The following BCCIP variants were observed in gnomAD, a reference collection of about 807,000 sequenced individuals.
BCCIP encodes the protein BRCA2 and CDKN1A-interacting protein.
In BCCIP, 23 loss-of-function variants were observed where a neutral mutation model predicts 32.8. The ratio of observed to expected loss-of-function variants is 0.70; its 90% CI spans 0.51 to 0.99. BCCIP has a LOEUF of 0.99. BCCIP is among the 50% of genes least tolerant of loss of function. BCCIP has a pLI of 0.00. For synonymous variants in BCCIP, 144 were observed against 137.6 expected, an observed-to-expected ratio of 1.05 and a Z score of -0.33; for missense variants, 378 against 379.8, an observed-to-expected ratio of 1.00 and a Z score of 0.04.
At chr10:125,850,925 A>G (rs1944082469) in intron 7 of BCCIP, among the ~76,000 whole-genome samples, 1 of 152,204 alleles carries the variant, frequency 6.6e-6, no homozygotes, top group South Asian at 2.1e-4. Flanking sequence ...GTCTCAGGCC[A>G]TCTGTTTCCA....
chr10:125,838,178 A>G, downstream of BCCIP: 1 of 1,537,062 alleles, frequency 6.5e-7, no homozygotes, highest in Non-Finnish European at 8.7e-7. Context: ...AAAAAAAAAT[A>G]CAACCCTTTC....
At chr10:125,842,297 C>T (rs916764553) in exon 7 of BCCIP, 3 of 200,854 alleles carry the variant, frequency 1.5e-5, no homozygotes, top group Admixed American at 6.2e-5. Context: ...ACACACAGAT[C>T]TAAGTCGGGG....
downstream of BCCIP, among the ~76,000 whole-genome samples, chr10:125,840,217 A>C (rs952611856): frequency 2.0e-5 from 3 of 152,126 alleles, no homozygotes; most frequent in Non-Finnish European, 4.4e-5. Context: ...CTGTCTGCAT[A>C]GCAGCTTCCA....
rs150676205 is a variant in BCCIP, at chr10:125,826,641, C to A, written c.216C>A (p.Asp72Glu). The part of the protein sequence containing the change: ...EAYSLSDNDY[D>E]GIKKLLQQLF... ...ATTCCCTATCAGATAATGATTATGA[C>A]GGAATTAAGAAATTACTGCAGCAGG... Residue 72 changes from aspartate to glutamate, a missense_variant, in exon 2 of 7, where the codon GAC becomes GAA. Coordinates refer to ENST00000278100, the MANE Select transcript of BCCIP (RefSeq NM_078468.3). 3 of 1,613,310 alleles carry A rather than the reference C, an allele frequency of 1.9e-6. No individual in the cohort carries two copies. The highest frequency in any genetic ancestry group is 3.3e-5 in the Admixed American group (2 of 59,914).
In BCCIP at chr10:125,853,139, C is replaced by A. The variant is rs148905052; in HGVS notation, c.865C>A (p.Gln289Lys). ...TTTCCTTACAGGTGGTTCACGGGGG[C>A]AAGTGACAGCCCTGGTTTCTCTGAA... Residue 289 changes from glutamine (Q) to lysine (K), a missense_variant, in exon 8 of 8, where the codon CAA becomes AAA. By Grantham distance (53) the Gln-to-Lys change is moderately conservative. Coordinates refer to the BCCIP transcript ENST00000368759. 8.7e-6 allele frequency: 14 copies of A among 1,609,278 alleles called. No individual in the cohort carries two copies. The East Asian group carries it at 3.1e-4, about 36-fold the overall frequency.
At chr10:125,841,998 G>A (rs748494640) in exon 7 of BCCIP, 4 of 1,462,958 alleles carry the variant, frequency 2.7e-6, no homozygotes, top group Non-Finnish European at 3.6e-6. Flanking sequence ...AACAGGTACT[G>A]GACTTTTCCC....
At chr10:125,830,690 A>G (rs913137627) in intron 4 of BCCIP, 39 bp downstream of exon 4, 30 of 1,253,720 alleles carry the variant, frequency 2.4e-5, no homozygotes, top group African/African-American at 6.0e-5. Flanking sequence ...GTTATTTCTT[A>G]GGCCAAAACC....
intron 1 of BCCIP, 27 bp downstream of exon 1, chr10:125,823,749 G>A (rs1384988927): frequency 2.5e-6 from 4 of 1,609,820 alleles, no homozygotes; most frequent in Admixed American, 3.4e-5. Flanking sequence ...CCCCTAGTTG[G>A]TTTATACCTG....
At chr10:125,834,002 T>TGA in intron 6 of BCCIP, 56 bp downstream of exon 6, 3 of 1,559,064 alleles carry the variant, frequency 1.9e-6, no homozygotes, top group Non-Finnish European at 2.6e-6. Context: ...TTGAAAATGA[T>TGA]TTATCAAGAT....
chr10:125,834,027 CT>C (rs1419010941), intron 6 of BCCIP, 81 bp downstream of exon 6: 1 of 1,475,164 alleles, frequency 6.8e-7, no homozygotes, highest in African/African-American at 1.4e-5. Context: ...TGTTCTCCCA[CT>C]TTAGGTCCAA....
chr10:125,853,250 A>C, exon 8 of BCCIP: 1 of 1,572,750 alleles, frequency 6.4e-7, no homozygotes, highest in East Asian at 2.3e-5. Context: ...ATAATAAGTC[A>C]GGGATATTTA....
chr10:125,839,141 G>A, downstream of BCCIP: 1 of 1,614,264 alleles, frequency 6.2e-7, no homozygotes, highest in Non-Finnish European at 8.5e-7. Context: ...GCCATTCTGA[G>A]TGCTGAACAG....
intron 7 of BCCIP, among the ~76,000 whole-genome samples, chr10:125,851,997 C>T (rs1259510007): frequency 1.3e-5 from 2 of 151,986 alleles, no homozygotes; most frequent in African/African-American, 2.4e-5. Context: ...GCTGATTCAC[C>T]CTTACGCTTC....
chr10:125,836,376 C>T lies in BCCIP; in HGVS notation c.*102C>T, dbSNP rs566626865. On this transcript the variant is annotated 3_prime_UTR_variant, in exon 7 of 7. Transcript: ENST00000278100. ...CAGACTTTATTCAGATTAAGTTCCTCTACAAAAAGTAGGGTTCTGTCCCAT... is the reference window on the plus strand; with the variant it reads ...CAGACTTTATTCAGATTAAGTTCCTTTACAAAAAGTAGGGTTCTGTCCCAT... 1 of 1,565,094 alleles carries T rather than the reference C, an allele frequency of 6.4e-7. No individual in the cohort carries two copies. The highest frequency in any genetic ancestry group is 1.4e-5 in the African/African-American group (1 of 72,526).
exon 8 of BCCIP, chr10:125,853,322 A>C: frequency 1.3e-6 from 1 of 792,854 alleles, no homozygotes; most frequent in Non-Finnish European, 1.9e-6. Flanking sequence ...TAAATTAGTC[A>C]ATATTTGTTA....
intron 5 of BCCIP, 39 bp downstream of exon 5, chr10:125,831,646 T>C: frequency 1.3e-6 from 2 of 1,553,956 alleles, no homozygotes; most frequent in Non-Finnish European, 1.7e-6. Flanking sequence ...ACAGTAATTT[T>C]TTTTTCAAAT....
downstream of BCCIP, among the ~76,000 whole-genome samples, chr10:125,844,204 A>T (rs369233407): frequency 9.1e-4 from 139 of 152,378 alleles, no homozygotes; most frequent in African/African-American, 3.2e-3. Context: ...CTGCTGGAGA[A>T]GGTACAAGAA....
chr10:125,838,442 T>G (rs1854771157), downstream of BCCIP: 1 of 1,434,996 alleles, frequency 7.0e-7, no homozygotes. Context: ...GAGATCATTA[T>G]ACAAAGATGT....
chr10:125,841,342 C>T, downstream of BCCIP: 1 of 1,613,998 alleles, frequency 6.2e-7, no homozygotes, highest in Non-Finnish European at 8.5e-7. Context: ...TTGGTCTGTT[C>T]CCCCAGTATT....
Sources: allele counts gnomAD v4.1 joint callset (sites outside exome capture counted in the v4.1 genomes callset), GRCh38; gene constraint gnomAD v4.1.1; transcripts MANE v1.5; gene names NCBI Gene and HGNC (gene_info 2026-07-23, HGNC 2026-07-21).